PRTG: variants seen among roughly 807,000 people sequenced by gnomAD.
The protein encoded by PRTG is immunoglobulin superfamily, DCC subclass, member 5.
PRTG carries 67 observed loss-of-function variants against 122.5 expected under a neutral mutation model. The ratio of observed to expected loss-of-function variants is 0.55; its 90% CI spans 0.45 to 0.67. The LOEUF (loss-of-function observed/expected upper bound fraction) is 0.67, where lower values mean the gene tolerates loss of function less well. Ranked by LOEUF, PRTG falls within the 30% of genes least tolerant of loss-of-function variation. PRTG has a pLI of 0.00. For missense variants in PRTG, 1,435 were observed against 1,415.4 expected (o/e 1.01, Z -0.22); for synonymous variants, 554 against 501.1 (o/e 1.11, Z -1.41).
At chr15:55,668,304 T>C (rs1263470021) in intron 11 of PRTG, among the ~76,000 whole-genome samples, 1 of 152,170 alleles carries the variant, frequency 6.6e-6, no homozygotes, top group East Asian at 1.9e-4. Context: ...TTTTCATCCT[T>C]TCAAATAAAG....
At chr15:55,666,291 A>G (rs1472537232) in intron 11 of PRTG, among the ~76,000 whole-genome samples, 2 of 152,166 alleles carry the variant, frequency 1.3e-5, no homozygotes, top group East Asian at 1.9e-4. Flanking sequence ...GCCTTACTGG[A>G]TTAGAACCTC....
intron 15 of PRTG, among the ~76,000 whole-genome samples, chr15:55,632,507 T>G (rs1013466920): frequency 6.6e-6 from 1 of 152,200 alleles, no homozygotes; most frequent in African/African-American, 2.4e-5. Context: ...GAATAAAATC[T>G]ATGGCTCATG....
chr15:55,622,652 A>C (rs2059173422), intron 18 of PRTG, among the ~76,000 whole-genome samples: 1 of 151,758 alleles, frequency 6.6e-6, no homozygotes, highest in Non-Finnish European at 1.5e-5. Flanking sequence ...TGGTCTCCCA[A>C]AGCGCTGGGA....
intron 2 of PRTG, among the ~76,000 whole-genome samples, chr15:55,735,269 A>G (rs529384584): frequency 6.6e-6 from 1 of 152,336 alleles, no homozygotes; most frequent in African/African-American, 2.4e-5. Flanking sequence ...GGTAATTATC[A>G]GTTTAAATGC....
At chr15:55,721,130 T>C (rs778129911) in intron 2 of PRTG, among the ~76,000 whole-genome samples, 1 of 152,326 alleles carries the variant, frequency 6.6e-6, no homozygotes, top group Non-Finnish European at 1.5e-5. Context: ...TCCCTCTCCC[T>C]GATTCCCCAC....
intron 11 of PRTG, among the ~76,000 whole-genome samples, chr15:55,661,304 A>G (rs2059408224): frequency 1.3e-5 from 2 of 152,206 alleles, no homozygotes; most frequent in Non-Finnish European, 2.9e-5. Flanking sequence ...CTTAACTGAC[A>G]TCGGACCCCC....
At chr15:55,645,138 A>G (rs1176813479) in intron 11 of PRTG, among the ~76,000 whole-genome samples, 2 of 152,114 alleles carry the variant, frequency 1.3e-5, no homozygotes, top group Non-Finnish European at 2.9e-5. Flanking sequence ...ATGTTTGTAA[A>G]TTTAAGAGTG....
chr15:55,695,300 A>G (rs1011061), intron 2 of PRTG, among the ~76,000 whole-genome samples: 54,503 of 152,142 alleles, frequency 0.36, 12,596 homozygotes, highest in Non-Finnish European at 0.52. Flanking sequence ...TGCTTAATAC[A>G]CGATTTTAAA....
At chr15:55,645,813 A>G (rs979267682) in intron 11 of PRTG, among the ~76,000 whole-genome samples, 47 of 152,224 alleles carry the variant, frequency 3.1e-4, no homozygotes, top group African/African-American at 1.1e-3. Context: ...GCTTGGTTAC[A>G]TGAGACTCAG....
At position 55,678,002 on chromosome 15, in the gene PRTG, A is replaced by C; in HGVS notation, c.1176T>G (p.Ile392Met). The change falls in exon 8 of 20, where the codon ATT (isoleucine) becomes ATG (methionine). Residue 392 changes from isoleucine to methionine, a missense_variant. By Grantham distance (10) the Ile-to-Met change is conservative. Transcript: ENST00000389286. ...GGCTATTCTCAGCCATGCACTGATAAATAGCATCATCTTCAGGAATAATCT... is the reference window on the plus strand; with the variant it reads ...GGCTATTCTCAGCCATGCACTGATACATAGCATCATCTTCAGGAATAATCT... ...INQIIPEDDA[I>M]YQCMAENSQG... 1.9e-6 allele frequency: 3 copies of C among 1,603,844 alleles called. No homozygotes were observed. The highest frequency in any genetic ancestry group is 2.6e-6 in the Non-Finnish European group (3 of 1,171,328).
rs773625611 is a variant in PRTG at position 55,616,735 on chromosome 15, G to A, written c.*3277C>T. On this transcript the variant is annotated 3_prime_UTR_variant, in exon 20 of 20. Coordinates refer to ENST00000389286, the MANE Select transcript of PRTG (RefSeq NM_173814.6). ...TTGGTTTTTTTCTTTTTAATTTGCT[G>A]ATAAAAAGTACTTGAATAAAAACAC... is the stretch of plus-strand genomic sequence containing the variant. The A allele has an allele frequency of 2.0e-5, 3 of 152,018 alleles. No homozygotes were observed. The highest frequency in any genetic ancestry group is 4.8e-5 in the African/African-American group (2 of 41,428). The allele number at this position is 152,018 out of a possible 1,614,324, so 9.4% of individuals were successfully genotyped here.
At chr15:55,693,316 C>T (rs902757913) in intron 2 of PRTG, among the ~76,000 whole-genome samples, 10 of 152,066 alleles carry the variant, frequency 6.6e-5, no homozygotes, top group African/African-American at 2.2e-4. Context: ...ATCAGCCGGG[C>T]GTGGCGGCGC....
chr15:55,735,962 T>C (rs2031398386), intron 2 of PRTG, among the ~76,000 whole-genome samples: 2 of 152,172 alleles, frequency 1.3e-5, no homozygotes, highest in African/African-American at 4.8e-5. Flanking sequence ...TCACTTGACT[T>C]ATGTAATATT....
chr15:55,683,745 A>C (rs751823332), intron 3 of PRTG, 42 bp downstream of exon 3: 35 of 1,552,888 alleles, frequency 2.3e-5, no homozygotes, highest in Non-Finnish European at 3.0e-5. Flanking sequence ...TGAAGTCTTC[A>C]TTACTCCCAT....
intron 2 of PRTG, among the ~76,000 whole-genome samples, chr15:55,706,576 C>T (rs2030127780): frequency 3.8e-5 from 3 of 79,984 alleles, no homozygotes; most frequent in Admixed American, 1.8e-4. Context: ...GAGACCTTGT[C>T]TCTACCAAAA....
intron 2 of PRTG, among the ~76,000 whole-genome samples, chr15:55,725,222 T>C (rs2030981897): frequency 6.6e-6 from 1 of 152,132 alleles, no homozygotes. Context: ...CAAACTAGAT[T>C]GTTACAAATT....
chr15:55,649,900 G>A (rs920658416), intron 11 of PRTG, among the ~76,000 whole-genome samples: 1 of 152,106 alleles, frequency 6.6e-6, no homozygotes, highest in Non-Finnish European at 1.5e-5. Context: ...ACAAGTGCAG[G>A]GTGGTGTAGT....
At chr15:55,676,478 C>T (rs542632974) in intron 8 of PRTG, among the ~76,000 whole-genome samples, 2 of 152,234 alleles carry the variant, frequency 1.3e-5, no homozygotes, top group Admixed American at 6.5e-5. Flanking sequence ...GGACGGAGTC[C>T]CTTCTCCCCA....
At position 55,712,363 on chromosome 15, in the gene PRTG, C is replaced by T. The variant is rs181016250; in HGVS notation, c.397+28019G>A. On this transcript the variant is annotated intron_variant, in intron 2 of 19. Coordinates refer to ENST00000389286, the MANE Select transcript of PRTG (RefSeq NM_173814.6). ...TAGCTTTAGTCCGTGGACAGAGGGGCTTGTTTTCTGTGCCAGCAAAGGTTT... is the reference window on the plus strand; with the variant it reads ...TAGCTTTAGTCCGTGGACAGAGGGGTTTGTTTTCTGTGCCAGCAAAGGTTT... Among the ~76,000 whole-genome samples the T allele has an allele frequency of 4.1e-4, 62 of 152,292 alleles. No individual in the cohort carries two copies. The East Asian group carries it at 8.1e-3, about 20-fold the overall frequency.
Sources: gnomAD v4.1 joint callset for allele counts (sites outside exome capture counted in the v4.1 genomes callset) on GRCh38, gnomAD v4.1.1 for gene constraint, MANE v1.5 for transcripts, NCBI Gene and HGNC (gene_info 2026-07-23, HGNC 2026-07-21) for gene names.